Variants in RPGR observed in about 807,000 individuals in gnomAD.
RPGR encodes the protein retinitis pigmentosa GTPase regulator, also known as X-linked retinitis pigmentosa GTPase regulator.
A neutral mutation model predicts 56.3 loss-of-function variants in RPGR; 10 were observed. The ratio of observed to expected loss-of-function variants is 0.18; its 90% CI spans 0.11 to 0.30. The LOEUF (loss-of-function observed/expected upper bound fraction) is 0.30. Among genes scored for constraint, RPGR ranks in the 10% least tolerant of loss-of-function variants. The probability of loss-of-function intolerance (pLI) is 1.00; values close to 1 mark genes in which losing one functional copy is unlikely to be tolerated. For missense variants in RPGR, 538 were observed against 590.9 expected (o/e 0.91, Z 0.93); for synonymous variants, 197 against 212.9 (o/e 0.93, Z 0.65).
At chrX:38,297,166 G>T in intron 11 of RPGR, 118 bp downstream of exon 11, 2 of 760,151 alleles carry the variant, frequency 2.6e-6, no homozygotes, top group Non-Finnish European at 4.0e-6. Context: ...GTGATGTTAG[G>T]CTCTAACCAG....
At chrX:38,322,495 T>G (rs1370163380) in intron 3 of RPGR, among the ~76,000 whole-genome samples, 1 of 112,124 alleles carries the variant, frequency 8.9e-6, no homozygotes, top group East Asian at 2.8e-4. Flanking sequence ...CTGTATTAAA[T>G]GAGAAAAGCT....
chrX:38,285,442 T>C, intron 15 of RPGR: 3 of 1,171,371 alleles, frequency 2.6e-6, no homozygotes, highest in South Asian at 2.0e-5. Flanking sequence ...ATAAAATAAT[T>C]GACATAAAAT....
intron 16 of RPGR, chrX:38,275,171 A>G: frequency 6.0e-6 from 7 of 1,173,230 alleles, no homozygotes; most frequent in Non-Finnish European, 8.1e-6. Context: ...AAAGCAATAT[A>G]ACAAAAAATA....
rs931906779 is a variant in RPGR at position 38,310,837 on chromosome X, G to A, written c.620-64C>T. Reference sequence around the variant, plus strand: ...ATATGAACAAAAAGCTGGTCTTACCGTCAAAAAAAAGTTTTGACAAGGATC... The same window carrying A: ...ATATGAACAAAAAGCTGGTCTTACCATCAAAAAAAAGTTTTGACAAGGATC... On this transcript the variant is annotated intron_variant, in intron 6 of 18. Transcript: ENST00000642395. The A allele has an allele frequency of 9.8e-5, 108 of 1,097,644 alleles. 5 individuals are homozygous for A. Among genetic ancestry groups the A allele is most frequent in the Middle Eastern group, 3.3e-4 (1 of 3,000 alleles). 90.5% of individuals were successfully genotyped at this position (1,097,644 alleles called of 1,213,427 possible). A position where few individuals can be genotyped will look rare whatever the true frequency, so the allele number is the denominator to read the frequency against.
Position 38,287,908 on chromosome X carries a change from A to G in RPGR, c.1706T>C (p.Met569Thr). Residue 569 changes from methionine to threonine, a missense_variant, in exon 14 of 19, where the codon ATG (methionine) becomes ACG (threonine). By Grantham distance (81) the Met-to-Thr change is moderately conservative. Transcript: ENST00000642395. The stretch of plus-strand genomic sequence containing the variant: ...TTCGATAGTCGTAGCTGGCTGCGTC[A>G]TGAAAATCCCTTGTGACACATGTTG... 8.3e-7 allele frequency: 1 copy of G among 1,211,253 alleles called. No homozygotes were observed. The highest frequency in any genetic ancestry group is 1.1e-6 in the Non-Finnish European group (1 of 895,225).
intron 7 of RPGR, among the ~76,000 whole-genome samples, chrX:38,307,699 A>T: frequency 8.9e-6 from 1 of 111,775 alleles, no homozygotes; most frequent in East Asian, 2.8e-4. Context: ...AATATTTTTA[A>T]AATTCTGCCT....
Position 38,269,719 on chromosome X carries a change from A to G in RPGR, c.2355T>C (p.Asn785=). 8.3e-7 allele frequency: 1 copy of G among 1,207,850 alleles called. No individual in the cohort carries two copies. Among genetic ancestry groups the G allele is most frequent in the Non-Finnish European group, 1.1e-6 (1 of 892,225 alleles). The change falls in exon 19 of 19, where the codon AAT becomes AAC. Residue 785 remains asparagine (N), a synonymous_variant. Transcript: ENST00000642395. ...TCATGTGGTTCTGGTCGGCATCTTT[A>G]TTATCACTTTTTAAAATGATCTGGT...
chrX:38,276,681 A>C lies in RPGR; in HGVS notation c.1997T>G (p.Val666Gly). The change falls in exon 16 of 19, where the codon GTG becomes GGG. Residue 666 changes from valine (V) to glycine (G), a missense_variant. This residue lies in a region of RPGR where 357 missense variants were observed against 325.8 expected (regional missense o/e 1.10). Transcript: ENST00000642395. The stretch of plus-strand genomic sequence containing the variant: ...TGTAGGAACACTTTCATCATCTCCC[A>C]CAGTTTTCTTCTTGCTTTCCACATT... 8.3e-7 allele frequency: 1 copy of C among 1,209,353 alleles called. No homozygotes were observed. Among genetic ancestry groups the C allele is most frequent in the South Asian group, 1.8e-5 (1 of 56,940 alleles).
intron 14 of RPGR, 67 bp downstream of exon 14, chrX:38,287,794 T>C (rs773589232): frequency 6.1e-6 from 6 of 990,270 alleles, no homozygotes; most frequent in Non-Finnish European, 5.8e-6. Flanking sequence ...TTCATGTCTA[T>C]ATACCTCTTT....
intron 6 of RPGR, among the ~76,000 whole-genome samples, chrX:38,313,625 G>C (rs55913095): frequency 0.15 from 16,536 of 111,366 alleles, 969 homozygotes; most frequent in South Asian, 0.23. Flanking sequence ...AGAACTGGAA[G>C]ACTGGAGTTC....
intron 1 of RPGR, among the ~76,000 whole-genome samples, chrX:38,324,168 C>T (rs1172659418): frequency 8.9e-6 from 1 of 111,857 alleles, no homozygotes; most frequent in Non-Finnish European, 1.9e-5. Flanking sequence ...ACTGCTGCCT[C>T]GACCTCCTGG....
rs754724798 is a variant in RPGR, at chrX:38,327,330, C to G, written c.28+10G>C. On this transcript the variant is annotated intron_variant, in intron 1 of 18. Transcript: ENST00000642395. ...CCCGGCCTTCCGCCACCGGCGCGGG[C>G]GCAACTCACCGGGCATCAGCTCTTC... 1.6e-5 allele frequency: 19 copies of G among 1,184,945 alleles called. No homozygotes were observed. The East Asian group carries it at 4.9e-4, about 31-fold the overall frequency.
rs1601952443 is a variant in RPGR, at chrX:38,305,051, A to T, written c.779-261T>A. 2.7e-5 allele frequency among the ~76,000 whole-genome samples: 3 copies of T among 112,204 alleles called. No homozygotes were observed. The East Asian group carries it at 8.4e-4, about 31-fold the overall frequency. On this transcript the variant is annotated intron_variant, in intron 7 of 18. Coordinates refer to ENST00000642395, the MANE Select transcript of RPGR (RefSeq NM_000328.3). ...ATACATAACCATAGTTAGGTAAGTA[A>T]CAGGTATGATACAAGGCACATAAGT...
rs747294782 is a variant in RPGR at position 38,299,092 on chromosome X, C to T, written c.1109G>A (p.Gly370Asp). The change falls in exon 10 of 19, where the codon GGT becomes GAT. Residue 370 changes from glycine (G) to aspartate (D), a missense_variant. By Grantham distance (94) the Gly-to-Asp change is moderately conservative (BLOSUM62 -1). Coordinates refer to ENST00000642395, the MANE Select transcript of RPGR (RefSeq NM_000328.3). ...ATCGAATTCAATTTCTTTTGCCACA[C>T]CACGATGAGGAGCAGCAAAAACTAC... is the stretch of plus-strand genomic sequence containing the variant. 6 of 1,209,898 alleles carry T rather than the reference C, an allele frequency of 5.0e-6. No homozygotes were observed. The highest frequency in any genetic ancestry group is 2.3e-4 in the Middle Eastern group (1 of 4,375).
chrX:38,299,320 T>C (rs980995206), intron 9 of RPGR, among the ~76,000 whole-genome samples, 179 bp from the exon 10 acceptor site: 3 of 112,492 alleles, frequency 2.7e-5, no homozygotes, highest in Admixed American at 1.9e-4. Context: ...ACAATATGTA[T>C]ACAATAGGTA....
chrX:38,270,959 T>A (rs1261748830), intron 18 of RPGR, among the ~76,000 whole-genome samples: 1 of 110,443 alleles, frequency 9.1e-6, no homozygotes, highest in African/African-American at 3.3e-5. Context: ...AAGAAGGGAG[T>A]GGCCAACAGG....
rs752205556 is a variant in RPGR at position 38,289,192 on chromosome X, CAT to C, written c.1573-1153_1573-1152del. Among the ~76,000 whole-genome samples the C allele has an allele frequency of 5.7e-4, 64 of 112,002 alleles. 1 individual carries two copies. Among genetic ancestry groups the C allele is most frequent in the African/African-American group, 1.2e-3 (37 of 30,959 alleles). On this transcript the variant is annotated intron_variant, in intron 13 of 18. Transcript: ENST00000642395. ...CACTCCTAGAACTGAAGAAACTGCA[CAT>C]GAGATGTTTTTTATCTATAAACTAA...
In RPGR at chrX:38,298,988, T is replaced by A; in HGVS notation, c.1213A>T (p.Thr405Ser). The A allele has an allele frequency of 8.3e-7, 1 of 1,211,311 alleles. No homozygotes were observed. The highest frequency in any genetic ancestry group is 1.1e-6 in the Non-Finnish European group (1 of 895,380). ...CTTCGCCGCATACGTGCTGATAGAG[T>A]CCTCTGCAGTACATTTCCTGAGGTT... is the stretch of plus-strand genomic sequence containing the variant. Residue 405 changes from threonine (T) to serine (S), a missense_variant, in exon 10 of 19, where the codon ACT (threonine) becomes TCT (serine). Physicochemically the swap from Thr to Ser is moderately conservative, Grantham distance 58. This residue lies in a region of RPGR where 357 missense variants were observed against 325.8 expected (regional missense o/e 1.10). Transcript: ENST00000642395.
At position 38,275,047 on chromosome X, in the gene RPGR, A is replaced by G. The variant is rs756828194; in HGVS notation, c.2149+42T>C. On this transcript the variant is annotated intron_variant, in intron 17 of 18. Transcript: ENST00000642395. ...CATACATACACATATATATGTGTGT[A>G]TGTATGTATGTATATATGTATGTTA... The G allele has an allele frequency of 3.5e-5, 33 of 951,782 alleles. No homozygotes were observed. The South Asian group carries it at 4.8e-4, about 14-fold the overall frequency. 78.4% of individuals were successfully genotyped at this position (951,782 alleles called of 1,213,427 possible). A position where few individuals can be genotyped will look rare whatever the true frequency, so the allele number is the denominator to read the frequency against.
Sources: allele counts gnomAD v4.1 joint callset (sites outside exome capture counted in the v4.1 genomes callset), GRCh38; gene constraint gnomAD v4.1.1; regional missense constraint gnomAD v4.1.1; transcripts MANE v1.5; gene names NCBI Gene and HGNC (gene_info 2026-07-23, HGNC 2026-07-21).